TGFBR2: variants seen among roughly 807,000 people sequenced by gnomAD.
TGFBR2 encodes TGF-beta receptor type-2.
Under a neutral mutation model 49.0 loss-of-function variants are expected in TGFBR2, and 18 were observed. The ratio of observed to expected loss-of-function variants is 0.37; its 90% CI spans 0.25 to 0.54. TGFBR2 has a LOEUF of 0.54. TGFBR2 is among the 20% of genes least tolerant of loss of function. The pLI is 0.85. For missense variants in TGFBR2, 525 were observed against 722.6 expected (o/e 0.73, Z 3.13); for synonymous variants, 282 against 275.9 (o/e 1.02, Z -0.22).
At position 30,672,104 on chromosome 3, in the gene TGFBR2, C is replaced by A; in HGVS notation, c.921C>A (p.Phe307Leu). ...INLKHENILQ[F>L]LTAEERKTEL... is the part of the protein sequence containing the mutation. ...TGAAGCATGAGAACATACTCCAGTT[C>A]CTGACGGCTGAGGAGCGGAAGACGG... is the stretch of plus-strand genomic sequence containing the variant. Residue 307 changes from phenylalanine to leucine, a missense_variant, in exon 4 of 7, where the codon TTC becomes TTA. Transcript: ENST00000295754. This position sits in a 1 kb window ranked among gnomAD's most constrained non-coding sequence, Gnocchi z 4.5. 2 of 1,614,222 alleles carry A rather than the reference C, an allele frequency of 1.2e-6. No homozygotes were observed. Among genetic ancestry groups the A allele is most frequent in the Non-Finnish European group, 1.7e-6 (2 of 1,180,020 alleles).
chr3:30,656,753 C>T (rs1699008968), intron 3 of TGFBR2, among the ~76,000 whole-genome samples: 1 of 152,166 alleles, frequency 6.6e-6, no homozygotes. Context: ...GGCACTGGGG[C>T]CATATAGGAA....
intron 3 of TGFBR2, among the ~76,000 whole-genome samples, chr3:30,659,375 C>G (rs1292286885): frequency 1.3e-5 from 2 of 152,116 alleles, no homozygotes; most frequent in African/African-American, 2.4e-5. Flanking sequence ...TGTTGTGAAC[C>G]AGCCTTGGTT....
chr3:30,609,736 A>C (rs180764136), intron 1 of TGFBR2, among the ~76,000 whole-genome samples: 55 of 152,284 alleles, frequency 3.6e-4, no homozygotes, highest in African/African-American at 1.3e-3. Context: ...TCTTCACATC[A>C]CTTTAATAAC....
intron 1 of TGFBR2, chr3:30,623,302 CATTTTTCT>C (rs1323627134): frequency 6.2e-7 from 1 of 1,612,894 alleles, no homozygotes; most frequent in Non-Finnish European, 8.5e-7. Flanking sequence ...ATCTTTTCAT[CATTTTTCT>C]ATTTTTAGTC....
At chr3:30,653,895 A>C (rs1698946677) in intron 3 of TGFBR2, among the ~76,000 whole-genome samples, 1 of 152,198 alleles carries the variant, frequency 6.6e-6, no homozygotes, top group African/African-American at 2.4e-5. Context: ...GCGAGTAGGC[A>C]CTGTTAGGAT....
intron 1 of TGFBR2, among the ~76,000 whole-genome samples, chr3:30,633,541 T>C (rs11466490): frequency 0.042 from 6,454 of 152,258 alleles, 468 homozygotes; most frequent in African/African-American, 0.15. Context: ...TAATCATTAA[T>C]TGTAAACATT....
intron 1 of TGFBR2, among the ~76,000 whole-genome samples, chr3:30,625,295 G>A (rs1698313429): frequency 6.6e-6 from 1 of 152,304 alleles, no homozygotes; most frequent in African/African-American, 2.4e-5. Flanking sequence ...TATATTGCTT[G>A]TGTAACGTCT....
chr3:30,662,728 T>G lies in TGFBR2; in HGVS notation c.455-8910T>G, dbSNP rs1189306168. ...CATTCTACACTCCTCCACCAGTTAA[T>G]TGACTAGAAAATTATCATGGGCCAT... On this transcript the variant is annotated intron_variant, in intron 3 of 6. Coordinates refer to ENST00000295754, the MANE Select transcript of TGFBR2 (RefSeq NM_003242.6). 2.0e-5 allele frequency among the ~76,000 whole-genome samples: 3 copies of G among 152,196 alleles called. No homozygotes were observed. In the East Asian group the frequency reaches 5.8e-4, roughly 29 times the overall value.
intron 3 of TGFBR2, among the ~76,000 whole-genome samples, chr3:30,664,747 G>A (rs931707885): frequency 3.3e-5 from 5 of 152,132 alleles, no homozygotes. Flanking sequence ...GTTCCTAAAA[G>A]GAACTTAAAA....
chr3:30,623,173 A>G (rs1231004781), intron 1 of TGFBR2: 1 of 1,257,630 alleles, frequency 8.0e-7, no homozygotes, highest in Non-Finnish European at 1.2e-6. Context: ...GCTCTCTGAG[A>G]TGGATATAAT....
At chr3:30,654,918 G>C (rs1244087607) in intron 3 of TGFBR2, among the ~76,000 whole-genome samples, 1 of 152,178 alleles carries the variant, frequency 6.6e-6, no homozygotes, top group Non-Finnish European at 1.5e-5. Context: ...AACACTGAGC[G>C]AAGAGGTGAT....
At chr3:30,613,268 C>A (rs1263435691) in intron 1 of TGFBR2, among the ~76,000 whole-genome samples, 4 of 151,628 alleles carry the variant, frequency 2.6e-5, no homozygotes, top group African/African-American at 9.7e-5. Context: ...ACTCTGCTGT[C>A]ATTCTTCTCT....
intron 1 of TGFBR2, among the ~76,000 whole-genome samples, chr3:30,628,537 T>TTTC (rs1422749933): frequency 6.8e-6 from 1 of 147,290 alleles, no homozygotes; most frequent in Non-Finnish European, 1.5e-5. Context: ...GGTTTTTTTT[T>TTTC]TTTTTTTTTT....
intron 5 of TGFBR2, among the ~76,000 whole-genome samples, chr3:30,684,946 T>C (rs1699597902): frequency 6.6e-6 from 1 of 152,220 alleles, no homozygotes; most frequent in Non-Finnish European, 1.5e-5. Flanking sequence ...AATTGTGTAG[T>C]GTTTGTAACT....
At position 30,673,718 on chromosome 3, in the gene TGFBR2, C is replaced by T. The variant is rs993644453; in HGVS notation, c.1255-387C>T. ...ATTTTTACCATAAGTCTTGGAGTTTCAGGAATAAAAAAAAATTCAATTTTG... is the reference window on the plus strand; with the variant it reads ...ATTTTTACCATAAGTCTTGGAGTTTTAGGAATAAAAAAAAATTCAATTTTG... On this transcript the variant is annotated intron_variant, in intron 4 of 6. Transcript: ENST00000295754. 1.0e-4 allele frequency among the ~76,000 whole-genome samples: 15 copies of T among 145,532 alleles called. No homozygotes were observed. The East Asian group carries it at 2.4e-3, about 23-fold the overall frequency.
At chr3:30,645,824 C>G (rs1698726257) in intron 2 of TGFBR2, among the ~76,000 whole-genome samples, 1 of 151,306 alleles carries the variant, frequency 6.6e-6, no homozygotes, top group African/African-American at 2.4e-5. Flanking sequence ...TTTCTCCTCT[C>G]TCTCTCTCTC....
intron 3 of TGFBR2, 114 bp downstream of exon 3, chr3:30,650,574 TTAGGAGCTCA>T: frequency 8.7e-7 from 1 of 1,147,540 alleles, no homozygotes; most frequent in South Asian, 1.3e-5. Context: ...ATACAGTGGA[TTAGGAGCTCA>T]TTCAGCTGGT....
chr3:30,618,638 T>A (rs1158169850), intron 1 of TGFBR2, among the ~76,000 whole-genome samples: 1 of 152,234 alleles, frequency 6.6e-6, no homozygotes, highest in Admixed American at 6.5e-5. Flanking sequence ...TAATTCATTC[T>A]GGAGCTATTA....
intron 1 of TGFBR2, among the ~76,000 whole-genome samples, chr3:30,630,589 T>C (rs1698416745): frequency 6.6e-6 from 1 of 152,196 alleles, no homozygotes; most frequent in Non-Finnish European, 1.5e-5. Flanking sequence ...ACAACTGTCA[T>C]TATGTAAATA....
Sources: allele counts gnomAD v4.1 joint callset (sites outside exome capture counted in the v4.1 genomes callset), GRCh38; gene constraint gnomAD v4.1.1; non-coding constraint Gnocchi (gnomAD v3.1); transcripts MANE v1.5; gene names NCBI Gene and HGNC (gene_info 2026-07-23, HGNC 2026-07-21).